CFAP61: variants seen among roughly 807,000 people sequenced by gnomAD.
The protein encoded by CFAP61 is cilia- and flagella-associated protein 61.
CFAP61 carries 107 observed loss-of-function variants against 135.6 expected under a neutral mutation model. That is an observed-to-expected ratio of 0.79 (90% CI 0.67 to 0.93). The LOEUF is 0.93. Ranked by LOEUF, CFAP61 falls within the 40% of genes least tolerant of loss-of-function variation. The probability of loss-of-function intolerance (pLI) is 0.00; values close to 1 mark genes in which losing one functional copy is unlikely to be tolerated. For missense variants in CFAP61, 1,507 were observed against 1,556.2 expected, an observed-to-expected ratio of 0.97 and a Z score of 0.53; for synonymous variants, 575 against 578.5, an observed-to-expected ratio of 0.99 and a Z score of 0.09.
At chr20:20,308,353 GT>G (rs2056601464) in intron 25 of CFAP61, among the ~76,000 whole-genome samples, 2 of 151,880 alleles carry the variant, frequency 1.3e-5, no homozygotes, top group South Asian at 4.2e-4. Context: ...GACAGAGGAA[GT>G]GATTTCTCTC....
intron 25 of CFAP61, among the ~76,000 whole-genome samples, chr20:20,312,980 T>C (rs937848148): frequency 7.9e-5 from 12 of 152,244 alleles, no homozygotes; most frequent in Non-Finnish European, 1.6e-4. Context: ...ATTGCCTTAC[T>C]GTCTTCCAAC....
chr20:20,296,328 C>T (rs201734091), intron 24 of CFAP61, among the ~76,000 whole-genome samples: 19 of 25,204 alleles, frequency 7.5e-4, no homozygotes, highest in Middle Eastern at 0.042. Context: ...CCTTCCTTCC[C>T]TTCCTTCCTT....
Position 20,265,431 on chromosome 20 carries a change from A to G in CFAP61, c.2503+2301A>G, listed in dbSNP as rs372367488. The G allele has an allele frequency of 6.4e-6, 5 of 779,798 alleles. No homozygotes were observed. The Admixed American group carries it at 8.5e-5, about 13-fold the overall frequency. 48.3% of individuals were successfully genotyped at this position (779,798 alleles called of 1,614,324 possible). A position where few individuals can be genotyped will look rare whatever the true frequency, so the allele number is the denominator to read the frequency against. The stretch of plus-strand genomic sequence containing the variant: ...GGTTCTCAGATGGAGGAAGAGCATC[A>G]GTGTTATTCTGCTGACTTGCCCAGT... On this transcript the variant is annotated intron_variant, in intron 21 of 26. Transcript: ENST00000245957.
chr20:20,068,880 A>T (rs1474116078), intron 2 of CFAP61, among the ~76,000 whole-genome samples: 1 of 152,038 alleles, frequency 6.6e-6, no homozygotes, highest in Non-Finnish European at 1.5e-5. Context: ...AAGTAGCTGG[A>T]ACTACAGGCA....
At chr20:20,322,696 C>G (rs1157647232) in intron 25 of CFAP61, 1 of 985,292 alleles carries the variant, frequency 1.0e-6, no homozygotes, top group Non-Finnish European at 1.2e-6. Flanking sequence ...TGGGAACTAC[C>G]CTCAGAGTTC....
intron 26 of CFAP61, among the ~76,000 whole-genome samples, chr20:20,355,986 C>CGTCACACTGTGAGGGGAGGTG (rs2059123247): frequency 1.0e-5 from 1 of 96,558 alleles, no homozygotes; most frequent in African/African-American, 5.1e-5. Context: ...TGTGAGGGGA[C>CGTCACACTGTGAGGGGAGGTG]GTCACACTGT....
intron 8 of CFAP61, among the ~76,000 whole-genome samples, chr20:20,104,185 A>C (rs2048220305): frequency 6.6e-6 from 1 of 152,228 alleles, no homozygotes; most frequent in Non-Finnish European, 1.5e-5. Flanking sequence ...CTATACATAT[A>C]AAAGACCCTT....
intron 22 of CFAP61, among the ~76,000 whole-genome samples, chr20:20,288,344 T>C (rs1334623125): frequency 6.6e-6 from 1 of 152,198 alleles, no homozygotes; most frequent in East Asian, 1.9e-4. Context: ...CTCACACTTT[T>C]GTGGGAGATA....
At chr20:20,131,517 C>G (rs1011583065) in intron 8 of CFAP61, among the ~76,000 whole-genome samples, 7 of 151,824 alleles carry the variant, frequency 4.6e-5, no homozygotes, top group African/African-American at 1.7e-4. Flanking sequence ...TATTTGTGTT[C>G]ATTTTCTCTT....
At position 20,263,024 on chromosome 20, in the gene CFAP61, G is replaced by A; in HGVS notation, c.2397G>A (p.Gln799=). ...ACAGGGAGGTTCCCAACAGCAGTCA[G>A]CGGCGGTACACGGGGAAAGTTCCTT... ...LTNREVPNSS[Q]RRYTGKVPCN... Residue 799 remains glutamine (Q), a synonymous_variant, in exon 21 of 27, where the codon CAG becomes CAA. Transcript: ENST00000245957. 6.2e-7 allele frequency: 1 copy of A among 1,614,006 alleles called. No individual in the cohort carries two copies. Among genetic ancestry groups the A allele is most frequent in the Non-Finnish European group, 8.5e-7 (1 of 1,179,946 alleles).
chr20:20,239,440 G>A (rs1453292058), intron 18 of CFAP61, among the ~76,000 whole-genome samples: 1 of 152,180 alleles, frequency 6.6e-6, no homozygotes, highest in Non-Finnish European at 1.5e-5. Context: ...GGGGAAGTTT[G>A]CTTAGGCCCA....
chr20:20,322,691 A>G, intron 25 of CFAP61: 3 of 985,406 alleles, frequency 3.0e-6, no homozygotes, highest in Non-Finnish European at 3.6e-6. Context: ...AGAAATGGGA[A>G]CTACCCTCAG....
intron 14 of CFAP61, among the ~76,000 whole-genome samples, chr20:20,191,029 G>T (rs1221160457): frequency 1.3e-5 from 2 of 152,052 alleles, no homozygotes; most frequent in African/African-American, 2.4e-5. Flanking sequence ...TGAGGCGCAA[G>T]AATTCCTTGA....
At chr20:20,333,925 G>A (rs1602062798) in intron 25 of CFAP61, among the ~76,000 whole-genome samples, 3 of 152,082 alleles carry the variant, frequency 2.0e-5, no homozygotes, top group Admixed American at 2.0e-4. Context: ...GGGGCCTGTG[G>A]GCTGGTCAGG....
At chr20:20,115,580 C>T (rs1221577879) in intron 8 of CFAP61, among the ~76,000 whole-genome samples, 2 of 152,054 alleles carry the variant, frequency 1.3e-5, no homozygotes, top group East Asian at 1.9e-4. Flanking sequence ...TTTTCCTCTC[C>T]TCCCCACCCC....
At chr20:20,270,324 C>G (rs891907805) in intron 21 of CFAP61, among the ~76,000 whole-genome samples, 1 of 152,048 alleles carries the variant, frequency 6.6e-6, no homozygotes, top group East Asian at 1.9e-4. Context: ...TAGCATTGAG[C>G]GTGACCATGA....
At chr20:20,314,201 T>C (rs2056980393) in intron 25 of CFAP61, among the ~76,000 whole-genome samples, 1 of 124,924 alleles carries the variant, frequency 8.0e-6, no homozygotes, top group Non-Finnish European at 1.6e-5. Context: ...CTGGGCAACA[T>C]AGTGAGACCC....
At chr20:20,081,927 A>C (rs939265374) in intron 6 of CFAP61, among the ~76,000 whole-genome samples, 1 of 152,216 alleles carries the variant, frequency 6.6e-6, no homozygotes, top group African/African-American at 2.4e-5. Flanking sequence ...AAATGGTGAC[A>C]GTATGGCAGT....
At chr20:20,121,692 C>T (rs1391466824) in intron 8 of CFAP61, among the ~76,000 whole-genome samples, 1 of 152,072 alleles carries the variant, frequency 6.6e-6, no homozygotes, top group Non-Finnish European at 1.5e-5. Context: ...TGGTGTTTCG[C>T]CATGTTGGCC....
Sources: allele counts gnomAD v4.1 joint callset (sites outside exome capture counted in the v4.1 genomes callset), GRCh38; gene constraint gnomAD v4.1.1; transcripts MANE v1.5; gene names NCBI Gene and HGNC (gene_info 2026-07-23, HGNC 2026-07-21).